The following RFX8 variants were observed in gnomAD, a reference collection of about 807,000 sequenced individuals.
RFX8 encodes the protein regulatory factor X8, also known as DNA-binding protein RFX8.
RFX8 carries 46 observed loss-of-function variants against 54.6 expected under a neutral mutation model. The ratio of observed to expected loss-of-function variants is 0.84; its 90% CI spans 0.67 to 1.08. The LOEUF (loss-of-function observed/expected upper bound fraction) is 1.08. RFX8 is among the 50% of genes least tolerant of loss of function. The pLI, the probability that RFX8 is intolerant of heterozygous loss-of-function variation, is 0.00. For synonymous variants in RFX8, 192 were observed against 209.5 expected (o/e 0.92, Z 0.72); for missense variants, 536 against 562.3 (o/e 0.95, Z 0.47).
chr2:101,421,224 C>T (rs1485849011), intron 4 of RFX8: 7 of 981,446 alleles, frequency 7.1e-6, no homozygotes, highest in Non-Finnish European at 7.3e-6. Context: ...ATTTTCATCT[C>T]ACACTGCAGA....
Position 101,414,873 on chromosome 2 carries a change from T to G in RFX8, c.542A>C (p.Tyr181Ser), listed in dbSNP as rs1686397705. The change falls in exon 7 of 12, where the codon TAC becomes TCC. Residue 181 changes from tyrosine to serine, a missense_variant. Tyr to Ser is a moderately radical substitution (Grantham distance 144). Transcript: ENST00000428343. ...LFVKRLRRKT[Y>S]LSNMAKTMRM... ...GCCTACCTTAGCCATGTTGGAAAGG[T>G]ACGTCTTTCTTCTTAGTCTTTTGAC... 6.4e-7 allele frequency: 1 copy of G among 1,550,754 alleles called. No individual in the cohort carries two copies. Among genetic ancestry groups the G allele is most frequent in the Non-Finnish European group, 8.7e-7 (1 of 1,146,554 alleles).
intron 2 of RFX8, among the ~76,000 whole-genome samples, chr2:101,444,177 C>T (rs1170800387): frequency 6.6e-6 from 1 of 152,228 alleles, no homozygotes. Flanking sequence ...CCCAGACACT[C>T]TGGCTCTCCC....
intron 2 of RFX8, among the ~76,000 whole-genome samples, chr2:101,426,414 G>A (rs1489362084): frequency 3.9e-5 from 6 of 152,168 alleles, no homozygotes; most frequent in Admixed American, 1.3e-4. Context: ...AAATACTCAG[G>A]AGGCTGAGGT....
chr2:101,458,337 A>G (rs980566177), intron 2 of RFX8, among the ~76,000 whole-genome samples: 1 of 152,210 alleles, frequency 6.6e-6, no homozygotes, highest in Non-Finnish European at 1.5e-5. Context: ...AAGTTTTTGC[A>G]GTGACTGGTA....
intron 2 of RFX8, among the ~76,000 whole-genome samples, chr2:101,440,689 G>A (rs1037190214): frequency 2.6e-5 from 4 of 152,094 alleles, no homozygotes; most frequent in South Asian, 2.1e-4. Context: ...TTAGCCATGC[G>A]TACAATTAAA....
At chr2:101,408,842 A>G (rs965866135) in intron 9 of RFX8, among the ~76,000 whole-genome samples, 2 of 152,200 alleles carry the variant, frequency 1.3e-5, no homozygotes, top group African/African-American at 4.8e-5. Context: ...TCTTGGTCTC[A>G]GTGATTATTT....
At chr2:101,413,138 C>G (rs1686252210) in intron 7 of RFX8, 67 bp from the exon 8 acceptor site, 3 of 1,318,708 alleles carry the variant, frequency 2.3e-6, no homozygotes, top group Non-Finnish European at 3.1e-6. Flanking sequence ...TAACTCTCCC[C>G]CAAATTGCCA....
At chr2:101,462,626 C>G (rs1689342686) in intron 2 of RFX8, among the ~76,000 whole-genome samples, 1 of 152,062 alleles carries the variant, frequency 6.6e-6, no homozygotes, top group Admixed American at 6.5e-5. Flanking sequence ...CATGTGTTTT[C>G]TCATTCATTT....
chr2:101,403,821 T>G (rs1685582471), intron 10 of RFX8, among the ~76,000 whole-genome samples: 1 of 152,164 alleles, frequency 6.6e-6, no homozygotes, highest in Admixed American at 6.6e-5. Context: ...TATCAAAGGT[T>G]TTATTTAACT....
chr2:101,416,957 T>C (rs551456579), intron 6 of RFX8, among the ~76,000 whole-genome samples: 1 of 152,302 alleles, frequency 6.6e-6, no homozygotes, highest in South Asian at 2.1e-4. Context: ...GGTGTGAGAA[T>C]GCCCTGGTGA....
At chr2:101,454,327 T>C (rs1020217238) in intron 2 of RFX8, among the ~76,000 whole-genome samples, 8 of 152,240 alleles carry the variant, frequency 5.3e-5, no homozygotes, top group Admixed American at 1.3e-4. Context: ...TTCAAGTCTT[T>C]GCTATTGTGA....
chr2:101,460,449 A>G (rs1689205158), intron 2 of RFX8, among the ~76,000 whole-genome samples: 1 of 152,136 alleles, frequency 6.6e-6, no homozygotes, highest in Non-Finnish European at 1.5e-5. Flanking sequence ...GGGTTTGATT[A>G]GTGAAATGCT....
intron 4 of RFX8, chr2:101,421,325 T>C (rs1471959243): frequency 2.0e-6 from 2 of 990,490 alleles, no homozygotes; most frequent in Non-Finnish European, 2.4e-6. Context: ...CCATGCCAGA[T>C]CACTCAGCTG....
chr2:101,449,556 G>T (rs1274237077), intron 2 of RFX8, among the ~76,000 whole-genome samples: 1 of 152,154 alleles, frequency 6.6e-6, no homozygotes, highest in Non-Finnish European at 1.5e-5. Context: ...TTGGTATCAA[G>T]ATTGAACTAA....
chr2:101,471,575 T>C (rs574984542), intron 1 of RFX8, among the ~76,000 whole-genome samples: 1 of 152,308 alleles, frequency 6.6e-6, no homozygotes, highest in East Asian at 1.9e-4. Context: ...TGCTTAGGTT[T>C]TGCCTGGTCT....
At chr2:101,448,213 T>C (rs1027636906) in intron 2 of RFX8, among the ~76,000 whole-genome samples, 1 of 152,184 alleles carries the variant, frequency 6.6e-6, no homozygotes, top group Admixed American at 6.5e-5. Context: ...CAAAGCTCCA[T>C]GGTTTCTGCC....
At chr2:101,425,095 A>C (rs1687101756) in intron 2 of RFX8, among the ~76,000 whole-genome samples, 1 of 152,136 alleles carries the variant, frequency 6.6e-6, no homozygotes, top group Admixed American at 6.5e-5. Context: ...GCTCACGTTG[A>C]TCATACTAAA....
At chr2:101,420,508 A>G (rs1212071286) in intron 4 of RFX8, among the ~76,000 whole-genome samples, 1 of 152,080 alleles carries the variant, frequency 6.6e-6, no homozygotes, top group East Asian at 1.9e-4. Flanking sequence ...GCACCACTGA[A>G]CTCCAGCCTC....
intron 2 of RFX8, among the ~76,000 whole-genome samples, chr2:101,453,288 AATAAAT>A (rs1303225903): frequency 1.5e-5 from 1 of 67,138 alleles, no homozygotes; most frequent in African/African-American, 7.6e-5. Flanking sequence ...AAAAAAAATA[AATAAAT>A]AAAAAGAGAG....
Sources: gnomAD v4.1 joint callset for allele counts (sites outside exome capture counted in the v4.1 genomes callset) on GRCh38, gnomAD v4.1.1 for gene constraint, MANE v1.5 for transcripts, NCBI Gene and HGNC (gene_info 2026-07-23, HGNC 2026-07-21) for gene names.